CUBN: variants seen among roughly 807,000 people sequenced by gnomAD.
The protein encoded by CUBN is cubilin.
CUBN carries 282 observed loss-of-function variants against 405.3 expected under a neutral mutation model. The ratio of observed to expected loss-of-function variants is 0.70; its 90% CI spans 0.63 to 0.77. CUBN has a LOEUF of 0.77. Ranked by LOEUF, CUBN falls within the 30% of genes least tolerant of loss-of-function variation. CUBN has a pLI of 0.00. For synonymous variants in CUBN, 1,684 were observed against 1,617.0 expected, an observed-to-expected ratio of 1.04 and a Z score of -0.99; for missense variants, 4,514 against 4,475.2, an observed-to-expected ratio of 1.01 and a Z score of -0.25.
chr10:16,973,692 C>G (rs1833006624), intron 31 of CUBN, among the ~76,000 whole-genome samples: 1 of 152,124 alleles, frequency 6.6e-6, no homozygotes, highest in Non-Finnish European at 1.5e-5. Flanking sequence ...TTCTTTGTGT[C>G]CATATGTACT....
intron 36 of CUBN, among the ~76,000 whole-genome samples, chr10:16,941,351 GA>G (rs1458948626): frequency 5.3e-5 from 8 of 152,080 alleles, no homozygotes; most frequent in Admixed American, 4.6e-4. Flanking sequence ...TTCGTACACA[GA>G]AACTAACTTA....
chr10:17,013,290 A>C, intron 28 of CUBN, among the ~76,000 whole-genome samples: 2 of 141,804 alleles, frequency 1.4e-5, no homozygotes, highest in Admixed American at 7.1e-5. Flanking sequence ...TTGACTTCCT[A>C]TCTTTCTCTT....
chr10:17,024,006 A>G (rs1437415791), intron 27 of CUBN, among the ~76,000 whole-genome samples: 5 of 144,338 alleles, frequency 3.5e-5, no homozygotes, highest in Admixed American at 1.4e-4. Flanking sequence ...AAATATCTCA[A>G]CTCCTCTTGA....
intron 6 of CUBN, chr10:17,122,592 G>T: frequency 1.6e-6 from 1 of 624,146 alleles, no homozygotes. Context: ...ATTTCTTCAC[G>T]GGGTGAGAGT....
chr10:17,036,416 T>C (rs957743501), intron 27 of CUBN, among the ~76,000 whole-genome samples: 1 of 152,046 alleles, frequency 6.6e-6, no homozygotes, highest in Non-Finnish European at 1.5e-5. Context: ...GAGTGGAGAA[T>C]CTGCCTCACT....
In CUBN at chr10:17,019,931, G is replaced by A; in HGVS notation, c.4070C>T (p.Pro1357Leu). 1 of 1,614,136 alleles carries A rather than the reference G, an allele frequency of 6.2e-7. No homozygotes were observed. The highest frequency in any genetic ancestry group is 8.5e-7 in the Non-Finnish European group (1 of 1,179,996). Residue 1357 changes from proline (P) to leucine (L), a missense_variant, in exon 28 of 67, where the codon CCT becomes CTT. Transcript: ENST00000377833. Reference protein sequence around the residue: ...MGRYCGVDLPPPGSTTSSKLQ... With the variant: ...MGRYCGVDLPLPGSTTSSKLQ... ...CTTGGAGCTTGTAGTACTCCCTGGA[G>A]GGGGCAGGTCTACTCCACAGTAGCG...
chr10:17,009,252 C>A (rs112752883), intron 28 of CUBN, among the ~76,000 whole-genome samples: 1 of 152,198 alleles, frequency 6.6e-6, no homozygotes. Context: ...CAGCTGGCAA[C>A]ATTTTGTTGC....
intron 56 of CUBN, among the ~76,000 whole-genome samples, chr10:16,882,731 G>A (rs568814930): frequency 6.6e-6 from 1 of 152,072 alleles, no homozygotes; most frequent in South Asian, 2.1e-4. Context: ...TGGGTTCTAG[G>A]GGCCAGGCAC....
chr10:17,125,884 G>C (rs58780120), intron 4 of CUBN, among the ~76,000 whole-genome samples: 5,246 of 152,158 alleles, frequency 0.034, 295 homozygotes, highest in African/African-American at 0.12. Context: ...TGACAGCTGA[G>C]GGGTCAATGT....
intron 60 of CUBN, among the ~76,000 whole-genome samples, chr10:16,848,434 C>G (rs1245497685): frequency 1.3e-5 from 2 of 152,128 alleles, no homozygotes; most frequent in Non-Finnish European, 2.9e-5. Context: ...AGGCACAGTG[C>G]TAAACGCTCT....
At chr10:17,015,860 C>A (rs1443023847) in intron 28 of CUBN, among the ~76,000 whole-genome samples, 1 of 152,128 alleles carries the variant, frequency 6.6e-6, no homozygotes, top group African/African-American at 2.4e-5. Flanking sequence ...AGGTGATTGG[C>A]CTGCTCCATT....
intron 59 of CUBN, among the ~76,000 whole-genome samples, chr10:16,858,171 T>G (rs2131348891): frequency 6.6e-6 from 1 of 152,318 alleles, no homozygotes; most frequent in Non-Finnish European, 1.5e-5. Context: ...TAAATAAGTC[T>G]AGATACATAT....
intron 28 of CUBN, among the ~76,000 whole-genome samples, chr10:16,993,392 T>C (rs1387551134): frequency 6.6e-6 from 1 of 152,220 alleles, no homozygotes; most frequent in Admixed American, 6.5e-5. Context: ...CCAATTGTTT[T>C]ACATTTCCTT....
chr10:16,924,750 T>G (rs2131477805), intron 43 of CUBN, among the ~76,000 whole-genome samples: 1 of 152,194 alleles, frequency 6.6e-6, no homozygotes, highest in South Asian at 2.1e-4. Context: ...CAAGTGTAAT[T>G]AAGTACAAGC....
intron 4 of CUBN, 25 bp from the exon 5 acceptor site, chr10:17,123,714 T>C: frequency 1.3e-6 from 2 of 1,533,366 alleles, no homozygotes; most frequent in Non-Finnish European, 1.8e-6. Context: ...GGACAGTCAA[T>C]GAGATGACTT....
At chr10:17,056,914 A>G (rs1835409063) in intron 22 of CUBN, among the ~76,000 whole-genome samples, 1 of 152,182 alleles carries the variant, frequency 6.6e-6, no homozygotes, top group South Asian at 2.1e-4. Flanking sequence ...ACAAAAGAAA[A>G]TAAATGAATT....
intron 8 of CUBN, among the ~76,000 whole-genome samples, chr10:17,112,506 A>C (rs1288985156): frequency 6.6e-6 from 1 of 152,162 alleles, no homozygotes; most frequent in Non-Finnish European, 1.5e-5. Flanking sequence ...TAAAAAGAAG[A>C]ATGTAAAAAC....
intron 17 of CUBN, among the ~76,000 whole-genome samples, chr10:17,080,527 G>A (rs571382862): frequency 7.9e-4 from 120 of 152,170 alleles, no homozygotes; most frequent in African/African-American, 1.3e-3. Flanking sequence ...AAGGCACATC[G>A]CTCTCCCTGC....
intron 62 of CUBN, among the ~76,000 whole-genome samples, chr10:16,839,658 T>G (rs780619): frequency 1.2e-5 from 1 of 84,598 alleles, no homozygotes; most frequent in East Asian, 3.2e-4. Context: ...GTCAGTGTGG[T>G]GATTCCTTAG....
Sources: gnomAD v4.1 joint callset for allele counts (sites outside exome capture counted in the v4.1 genomes callset) on GRCh38, gnomAD v4.1.1 for gene constraint, MANE v1.5 for transcripts, NCBI Gene and HGNC (gene_info 2026-07-23, HGNC 2026-07-21) for gene names.